Variants in KPNA6 observed in about 807,000 individuals in gnomAD.
KPNA6 encodes karyopherin subunit alpha 6, also known as importin subunit alpha-7.
Under a neutral mutation model 72.0 loss-of-function variants are expected in KPNA6, and 9 were observed. The observed-to-expected ratio is 0.13, with a 90% CI of 0.08 to 0.22. The LOEUF (loss-of-function observed/expected upper bound fraction) is 0.22. KPNA6 is among the 10% of genes least tolerant of loss of function. The pLI, the probability that KPNA6 is intolerant of heterozygous loss-of-function variation, is 1.00. For missense variants in KPNA6, 374 were observed against 655.7 expected, an observed-to-expected ratio of 0.57 and a Z score of 4.69; for synonymous variants, 219 against 242.1, an observed-to-expected ratio of 0.90 and a Z score of 0.89.
chr1:32,116,314 T>C (rs1009956737), intron 1 of KPNA6, among the ~76,000 whole-genome samples: 42 of 151,108 alleles, frequency 2.8e-4, no homozygotes, highest in African/African-American at 9.9e-4. Context: ...GGCCGGTTGT[T>C]TTTTTTAAAC....
At chr1:32,110,838 A>G (rs1173441364) in intron 1 of KPNA6, among the ~76,000 whole-genome samples, 1 of 152,220 alleles carries the variant, frequency 6.6e-6, no homozygotes, top group Non-Finnish European at 1.5e-5. Context: ...CGGAGGTTGC[A>G]GTGAGCCGAG....
intron 11 of KPNA6, among the ~76,000 whole-genome samples, chr1:32,166,494 G>A (rs182745270): frequency 8.4e-4 from 128 of 151,670 alleles, no homozygotes; most frequent in Non-Finnish European, 1.5e-3. Context: ...GTGTGGTGGC[G>A]GACGCCTGTA....
intron 1 of KPNA6, among the ~76,000 whole-genome samples, chr1:32,138,204 A>G (rs1279560156): frequency 1.3e-5 from 2 of 151,748 alleles, no homozygotes; most frequent in East Asian, 1.9e-4. Flanking sequence ...GATAGCTGGT[A>G]GGCAAGATGT....
At chr1:32,119,222 G>A (rs1450852337) in intron 1 of KPNA6, among the ~76,000 whole-genome samples, 1 of 150,962 alleles carries the variant, frequency 6.6e-6, no homozygotes, top group Non-Finnish European at 1.5e-5. Context: ...GTAGAGGTGG[G>A]GTTTCACCAT....
intron 1 of KPNA6, among the ~76,000 whole-genome samples, chr1:32,118,965 C>CAT (rs1193644362): frequency 1.8e-5 from 2 of 108,572 alleles, no homozygotes; most frequent in South Asian, 3.2e-4. Flanking sequence ...TGTGTCAAGC[C>CAT]ATATATATGT....
chr1:32,158,576 G>C (rs567089738), intron 5 of KPNA6, among the ~76,000 whole-genome samples: 1 of 152,250 alleles, frequency 6.6e-6, no homozygotes, highest in South Asian at 2.1e-4. Flanking sequence ...AAATTGTGTA[G>C]TTATTATTGA....
intron 1 of KPNA6, among the ~76,000 whole-genome samples, chr1:32,144,758 C>T (rs1012803184): frequency 2.6e-5 from 4 of 151,870 alleles, no homozygotes; most frequent in Non-Finnish European, 5.9e-5. Flanking sequence ...ACAAGCAGTT[C>T]TCCTGCGTCA....
At position 32,136,780 on chromosome 1, in the gene KPNA6, C is replaced by T. The variant is rs113608442; in HGVS notation, c.5-17808C>T. Among the ~76,000 whole-genome samples, 44 of 152,288 alleles carry T rather than the reference C, an allele frequency of 2.9e-4. 1 individual carries two copies. The highest frequency in any genetic ancestry group is 9.4e-4 in the African/African-American group (39 of 41,558). Reference sequence around the variant, plus strand: ...GGAATAAGCAGAATGAGATTCTCTACGCATTTATTCCTCCCCAATTCATTA... The same window carrying T: ...GGAATAAGCAGAATGAGATTCTCTATGCATTTATTCCTCCCCAATTCATTA... On this transcript the variant is annotated intron_variant, in intron 1 of 13. Coordinates refer to ENST00000373625, the MANE Select transcript of KPNA6 (RefSeq NM_012316.5).
chr1:32,136,944 G>A (rs964502768), intron 1 of KPNA6, among the ~76,000 whole-genome samples: 8 of 152,194 alleles, frequency 5.3e-5, no homozygotes, highest in Admixed American at 3.9e-4. Flanking sequence ...TCAGAAATAC[G>A]TTGCTTTCCT....
At chr1:32,119,741 GA>G (rs1252829048) in intron 1 of KPNA6, among the ~76,000 whole-genome samples, 5 of 98,012 alleles carry the variant, frequency 5.1e-5, no homozygotes, top group African/African-American at 1.3e-4. Context: ...TGGAAATCTG[GA>G]ATTTTTTTTT....
At chr1:32,155,540 C>G (rs1473993876) in intron 2 of KPNA6, among the ~76,000 whole-genome samples, 1 of 151,682 alleles carries the variant, frequency 6.6e-6, no homozygotes, top group African/African-American at 2.4e-5. Flanking sequence ...CCAGACTGGT[C>G]TCGAACTCCT....
chr1:32,148,701 C>T (rs1017888887), intron 1 of KPNA6, among the ~76,000 whole-genome samples: 2 of 149,460 alleles, frequency 1.3e-5, no homozygotes, highest in East Asian at 2.0e-4. Context: ...GGATTACAGG[C>T]GCACGCCACC....
chr1:32,138,604 G>C (rs1641784181), intron 1 of KPNA6, among the ~76,000 whole-genome samples: 1 of 151,932 alleles, frequency 6.6e-6, no homozygotes, highest in Non-Finnish European at 1.5e-5. Context: ...AGCTTGGAGT[G>C]GGGGCTCCTC....
intron 9 of KPNA6, among the ~76,000 whole-genome samples, chr1:32,162,957 AG>A (rs1433110641): frequency 1.3e-5 from 2 of 151,060 alleles, no homozygotes; most frequent in African/African-American, 4.9e-5. Context: ...ACAAAAAATT[AG>A]CCGGGCGTGG....
chr1:32,142,995 C>A, intron 1 of KPNA6: 1 of 1,289,748 alleles, frequency 7.8e-7, no homozygotes, highest in Non-Finnish European at 1.0e-6. Flanking sequence ...CAGGACAGCC[C>A]AGGCTCAGTC....
At chr1:32,136,590 G>A (rs955371446) in intron 1 of KPNA6, among the ~76,000 whole-genome samples, 1 of 152,126 alleles carries the variant, frequency 6.6e-6, no homozygotes, top group Admixed American at 6.6e-5. Context: ...AAATGAAATG[G>A]GTTGCTTTTG....
intron 13 of KPNA6, 101 bp from the exon 14 acceptor site, chr1:32,170,606 G>A (rs2124100726): frequency 1.1e-6 from 1 of 903,716 alleles, no homozygotes; most frequent in East Asian, 2.4e-5. Flanking sequence ...ACTTGTGTTT[G>A]TAAGCACTAA....
At chr1:32,148,197 C>T (rs1013988509) in intron 1 of KPNA6, among the ~76,000 whole-genome samples, 2 of 152,056 alleles carry the variant, frequency 1.3e-5, no homozygotes, top group African/African-American at 4.8e-5. Flanking sequence ...CTCTGCCTCC[C>T]AGGTTCAAGT....
intron 1 of KPNA6, among the ~76,000 whole-genome samples, chr1:32,108,597 T>C (rs938210237): frequency 1.3e-5 from 2 of 152,226 alleles, no homozygotes; most frequent in Admixed American, 6.5e-5. Context: ...GGTGGAGTCC[T>C]CTAGTGAGGG....
Sources: gnomAD v4.1 joint callset for allele counts (sites outside exome capture counted in the v4.1 genomes callset) on GRCh38, gnomAD v4.1.1 for gene constraint, MANE v1.5 for transcripts, NCBI Gene and HGNC (gene_info 2026-07-23, HGNC 2026-07-21) for gene names.